Variants in AGMO observed in about 807,000 individuals in gnomAD.
AGMO encodes alkylglycerol monooxygenase.
In AGMO, 75 loss-of-function variants were observed where a neutral mutation model predicts 60.2. The ratio of observed to expected loss-of-function variants is 1.25; its 90% CI spans 1.03 to 1.51. AGMO has a LOEUF of 1.51. AGMO is among the 40% of genes most tolerant of loss of function. The pLI is 0.00. For missense variants in AGMO, 763 were observed against 525.5 expected, an observed-to-expected ratio of 1.45 and a Z score of -4.42; for synonymous variants, 261 against 177.1, an observed-to-expected ratio of 1.47 and a Z score of -3.76.
intron 10 of AGMO, among the ~76,000 whole-genome samples, chr7:15,370,385 T>C (rs767257126): frequency 2.0e-4 from 31 of 152,016 alleles, no homozygotes; most frequent in Non-Finnish European, 4.1e-4. Context: ...TCTTTTAGAG[T>C]GATTTATTTT....
chr7:15,286,232 T>A (rs1414598743), intron 12 of AGMO, among the ~76,000 whole-genome samples: 2 of 151,870 alleles, frequency 1.3e-5, no homozygotes, highest in Non-Finnish European at 2.9e-5. Context: ...AGGACCTAAT[T>A]AAACGAAAAA....
At position 15,510,348 on chromosome 7, in the gene AGMO, T is replaced by C. The variant is rs377304587; in HGVS notation, c.409+34424A>G. On this transcript the variant is annotated intron_variant, in intron 3 of 12. Coordinates refer to ENST00000342526, the MANE Select transcript of AGMO (RefSeq NM_001004320.2). ...GCCTAGCTAAGTTTTTTTTGTTTTG[T>C]TTTGTTTTTAGTACAGACAGGATGG... is the stretch of plus-strand genomic sequence containing the variant. Among the ~76,000 whole-genome samples the C allele has an allele frequency of 3.3e-5, 5 of 151,804 alleles. 1 individual carries two copies. The East Asian group carries it at 5.8e-4, about 18-fold the overall frequency.
chr7:15,254,562 T>C (rs1356290922), intron 12 of AGMO, among the ~76,000 whole-genome samples: 1 of 152,194 alleles, frequency 6.6e-6, no homozygotes, highest in Non-Finnish European at 1.5e-5. Context: ...TTTGACCATT[T>C]AAAATCAGAT....
chr7:15,168,846 G>A, the AGMO span, among the ~76,000 whole-genome samples: 123 of 152,344 alleles, frequency 8.1e-4, no homozygotes, highest in African/African-American at 2.9e-3. Context: ...GCTGGCAATT[G>A]GTGATGCCTT....
At chr7:15,291,265 A>C (rs913191336) in intron 12 of AGMO, among the ~76,000 whole-genome samples, 17 of 152,226 alleles carry the variant, frequency 1.1e-4, no homozygotes, top group Non-Finnish European at 2.2e-4. Flanking sequence ...ACACATACAT[A>C]ACTATAGAGA....
At chr7:15,118,173 A>ACACAC in the AGMO span, among the ~76,000 whole-genome samples, 3,804 of 144,636 alleles carry the variant, frequency 0.026, 99 homozygotes, top group African/African-American at 0.054. Flanking sequence ...ACTAAAGAGA[A>ACACAC]ACACACACAC....
At chr7:15,355,298 C>G (rs916250113) in intron 12 of AGMO, among the ~76,000 whole-genome samples, 4 of 151,824 alleles carry the variant, frequency 2.6e-5, no homozygotes, top group Non-Finnish European at 4.4e-5. Flanking sequence ...GTCAGGAGAT[C>G]GAGACCATCC....
chr7:15,220,123 G>C (rs1353746414), intron 12 of AGMO, among the ~76,000 whole-genome samples: 2 of 149,438 alleles, frequency 1.3e-5, no homozygotes, highest in East Asian at 2.0e-4. Context: ...TAAGTCCTTA[G>C]AATTTTTGCC....
chr7:15,350,363 C>A (rs1259318924), intron 12 of AGMO, among the ~76,000 whole-genome samples: 5 of 151,900 alleles, frequency 3.3e-5, no homozygotes, highest in African/African-American at 1.2e-4. Context: ...ATAAAAAATC[C>A]ACATTAGGTT....
At chr7:15,438,383 T>C (rs547680016) in intron 3 of AGMO, among the ~76,000 whole-genome samples, 45 of 152,300 alleles carry the variant, frequency 3.0e-4, no homozygotes, top group Non-Finnish European at 5.3e-4. Context: ...AGAAGGTAGA[T>C]ATTTATATAG....
chr7:15,334,265 TAAC>T (rs1329946056), intron 12 of AGMO, among the ~76,000 whole-genome samples: 1 of 150,234 alleles, frequency 6.7e-6, no homozygotes, highest in Non-Finnish European at 1.5e-5. Context: ...CTGAAGTTTT[TAAC>T]AACATAAAAT....
At chr7:15,130,349 T>C in the AGMO span, among the ~76,000 whole-genome samples, 1 of 152,066 alleles carries the variant, frequency 6.6e-6, no homozygotes, top group Admixed American at 6.6e-5. Context: ...ATTATTTTTG[T>C]TATTGTTTTG....
the AGMO span, among the ~76,000 whole-genome samples, chr7:15,125,824 A>C: frequency 1.3e-5 from 2 of 152,254 alleles, no homozygotes; most frequent in East Asian, 3.9e-4. Context: ...TCTGTCATCT[A>C]TATGAGTTTA....
the AGMO span, among the ~76,000 whole-genome samples, chr7:15,125,307 C>G: frequency 6.6e-6 from 1 of 152,100 alleles, no homozygotes; most frequent in Non-Finnish European, 1.5e-5. Flanking sequence ...CTTCTTCCCT[C>G]TTCTGTGCCC....
intron 3 of AGMO, among the ~76,000 whole-genome samples, chr7:15,473,684 T>G (rs2128513905): frequency 6.6e-6 from 1 of 152,208 alleles, no homozygotes; most frequent in East Asian, 1.9e-4. Flanking sequence ...CCACTCCTAT[T>G]CAACTTAATA....
At chr7:15,399,918 C>G (rs1187310101) in intron 5 of AGMO, among the ~76,000 whole-genome samples, 5 of 152,186 alleles carry the variant, frequency 3.3e-5, no homozygotes, top group Non-Finnish European at 5.9e-5. Context: ...CCTTAACCTT[C>G]TATCTTACCT....
rs1783370322 is a variant in AGMO, at chr7:15,264,347, T to C, written c.1264-62988A>G. ...TTGCCATATATTCTATCTTAAATTA[T>C]CTGCAATAAAACCAAAGTAATGGAC... On this transcript the variant is annotated intron_variant, in intron 12 of 12. Coordinates refer to ENST00000342526, the MANE Select transcript of AGMO (RefSeq NM_001004320.2). Among the ~76,000 whole-genome samples, 4 of 152,044 alleles carry C rather than the reference T, an allele frequency of 2.6e-5. No homozygotes were observed. The South Asian group carries it at 8.3e-4, about 32-fold the overall frequency.
chr7:15,227,670 A>C (rs2128498606), intron 12 of AGMO, among the ~76,000 whole-genome samples: 1 of 152,202 alleles, frequency 6.6e-6, no homozygotes, highest in East Asian at 1.9e-4. Flanking sequence ...TTTCACGGTA[A>C]CGCCTCCTGA....
At chr7:15,515,093 T>C (rs1355238735) in intron 3 of AGMO, among the ~76,000 whole-genome samples, 1 of 152,222 alleles carries the variant, frequency 6.6e-6, no homozygotes, top group Non-Finnish European at 1.5e-5. Flanking sequence ...GAGAAGTAGC[T>C]CATCCATTGG....
Sources: gnomAD v4.1 joint callset for allele counts (sites outside exome capture counted in the v4.1 genomes callset) on GRCh38, gnomAD v4.1.1 for gene constraint, MANE v1.5 for transcripts, NCBI Gene and HGNC (gene_info 2026-07-23, HGNC 2026-07-21) for gene names.